Variants in POU3F3 observed in about 807,000 individuals in gnomAD.
The protein encoded by POU3F3 is POU class 3 homeobox 3, also known as POU domain, class 3, transcription factor 3.
In POU3F3, 1 loss-of-function variant was observed where a neutral mutation model predicts 8.6. The ratio of observed to expected loss-of-function variants is 0.12; its 90% CI spans 0.04 to 0.55. The LOEUF (loss-of-function observed/expected upper bound fraction) is 0.55, where lower values mean the gene tolerates loss of function less well. POU3F3 is among the 20% of genes least tolerant of loss of function. The pLI is 0.91. For missense variants in POU3F3, 577 were observed against 690.7 expected, an observed-to-expected ratio of 0.84 and a Z score of 1.84; for synonymous variants, 418 against 327.4, an observed-to-expected ratio of 1.28 and a Z score of -2.99.
Position 104,855,905 on chromosome 2 carries a change from G to A in POU3F3, c.395G>A (p.Ser132Asn). 7.6e-6 allele frequency: 8 copies of A among 1,058,680 alleles called. No individual in the cohort carries two copies. The highest frequency in any genetic ancestry group is 5.3e-5 in the African/African-American group (3 of 56,936). 65.6% of individuals were successfully genotyped at this position (1,058,680 alleles called of 1,614,324 possible). A position where few individuals can be genotyped will look rare whatever the true frequency, so the allele number is the denominator to read the frequency against. Residue 132 changes from serine to asparagine, a missense_variant, in exon 1 of 1, where the codon AGC (serine) becomes AAC (asparagine). This residue lies in a region of POU3F3 where 484 missense variants were observed against 422.6 expected (regional missense o/e 1.15). Coordinates refer to ENST00000361360, the MANE Select transcript of POU3F3 (RefSeq NM_006236.3). ...GGCAGCGCCGTGGGCATGGCTGGCA[G>A]CCCCCAGCAGCCACCGCAGCCGCCG... ...WSGSAVGMAG[S>N]PQQPPQPPPP...
chr2:104,868,702 G>A, the POU3F3 span, among the ~76,000 whole-genome samples: 27 of 152,270 alleles, frequency 1.8e-4, no homozygotes, highest in African/African-American at 4.8e-4. Flanking sequence ...TCCAGCTGGC[G>A]GGTCTGGTTT....
In POU3F3 at chr2:104,855,597, T is replaced by C. The variant is rs186512421; in HGVS notation, c.87T>C (p.Ala29=). The part of the protein sequence containing the change: ...GSIVHSDAAG[A]GGGGGGGGGG... The stretch of plus-strand genomic sequence containing the variant: ...TTGTGCACTCGGACGCGGCAGGGGC[T>C]GGCGGCGGCGGGGGTGGCGGCGGCG... The change falls in exon 1 of 1, where the codon GCT becomes GCC. Residue 29 remains alanine, a synonymous_variant. Transcript: ENST00000361360. 0.64 allele frequency: 621,031 copies of C among 963,106 alleles called. 198,956 individuals carry two copies. Among genetic ancestry groups the C allele is most frequent in the East Asian group, 0.91 (7,133 of 7,870 alleles). The allele number at this position is 963,106 out of a possible 1,614,324, so 59.7% of individuals were successfully genotyped here. A position where few individuals can be genotyped will look rare whatever the true frequency, so the allele number is the denominator to read the frequency against.
At chr2:104,863,316 G>C (rs1326647656), downstream of POU3F3, among the ~76,000 whole-genome samples, 1 of 151,876 alleles carries the variant, frequency 6.6e-6, no homozygotes, top group Non-Finnish European at 1.5e-5. Flanking sequence ...GCGAAGGAAA[G>C]GGAAACTTCT....
the POU3F3 span, among the ~76,000 whole-genome samples, chr2:104,901,737 A>C: frequency 2.0e-5 from 3 of 152,244 alleles, no homozygotes; most frequent in Non-Finnish European, 4.4e-5. Context: ...CAGTGGTCAC[A>C]GGCAGAGGGA....
At chr2:104,893,601 G>A in the POU3F3 span, among the ~76,000 whole-genome samples, 1 of 152,242 alleles carries the variant, frequency 6.6e-6, no homozygotes, top group Non-Finnish European at 1.5e-5. Context: ...AAAAGATGCA[G>A]CTGGGCTCAG....
the POU3F3 span, among the ~76,000 whole-genome samples, chr2:104,915,041 G>A: frequency 2.2e-4 from 34 of 152,302 alleles, no homozygotes; most frequent in African/African-American, 7.2e-4. Flanking sequence ...CTGAGGTAGC[G>A]CAGGGTCACT....
chr2:104,875,147 T>C, the POU3F3 span, among the ~76,000 whole-genome samples: 181 of 152,342 alleles, frequency 1.2e-3, 1 homozygote, highest in Non-Finnish European at 2.1e-3. Flanking sequence ...TTCATCCATG[T>C]TGTAGCATGT....
At chr2:104,923,763 A>G in the POU3F3 span, among the ~76,000 whole-genome samples, 2 of 152,224 alleles carry the variant, frequency 1.3e-5, no homozygotes, top group African/African-American at 4.8e-5. Flanking sequence ...TAAGAAATAC[A>G]TTATTCAACT....
the POU3F3 span, among the ~76,000 whole-genome samples, chr2:104,868,771 G>C: frequency 6.6e-6 from 1 of 152,200 alleles, no homozygotes; most frequent in African/African-American, 2.4e-5. Context: ...TACAAACAGT[G>C]CAAATGAGAT....
chr2:104,899,267 C>T, the POU3F3 span, among the ~76,000 whole-genome samples: 10 of 152,222 alleles, frequency 6.6e-5, no homozygotes, highest in African/African-American at 2.4e-4. Context: ...AGAGGAACTC[C>T]GGGGCTGCAG....
the POU3F3 span, among the ~76,000 whole-genome samples, chr2:104,892,357 GT>G: frequency 6.6e-6 from 1 of 152,180 alleles, no homozygotes; most frequent in African/African-American, 2.4e-5. Context: ...GGCAGAATTA[GT>G]GAGAATCTGC....
chr2:104,896,629 T>C, the POU3F3 span, among the ~76,000 whole-genome samples: 12 of 20,990 alleles, frequency 5.7e-4, no homozygotes, highest in Non-Finnish European at 8.3e-5. Flanking sequence ...AGCTGAATCA[T>C]GTGGCTGAGA....
chr2:104,864,576 C>T, the POU3F3 span, among the ~76,000 whole-genome samples: 1 of 152,082 alleles, frequency 6.6e-6, no homozygotes. Flanking sequence ...AAACAGGGAG[C>T]CATTTATTTA....
chr2:104,879,386 C>T, the POU3F3 span, among the ~76,000 whole-genome samples: 41 of 152,008 alleles, frequency 2.7e-4, no homozygotes, highest in Non-Finnish European at 4.1e-4. Context: ...TCTGAGGTAA[C>T]GTGTGGCTGT....
chr2:104,890,996 G>C, the POU3F3 span, among the ~76,000 whole-genome samples: 1 of 152,144 alleles, frequency 6.6e-6, no homozygotes, highest in African/African-American at 2.4e-5. Context: ...AAGCTGCTCT[G>C]GCTACTAGCT....
chr2:104,855,888 C>A lies in POU3F3; in HGVS notation c.378C>A (p.Ala126=). Residue 126 remains alanine (A), a synonymous_variant, in exon 1 of 1, where the codon GCC becomes GCA. Coordinates refer to ENST00000361360, the MANE Select transcript of POU3F3 (RefSeq NM_006236.3). ...VEASSPWSGS[A]VGMAGSPQQP... is the part of the protein sequence containing the mutation. ...CGAGCTCGCCGTGGTCGGGCAGCGC[C>A]GTGGGCATGGCTGGCAGCCCCCAGC... 9.4e-7 allele frequency: 1 copy of A among 1,060,510 alleles called. No individual in the cohort carries two copies. Among genetic ancestry groups the A allele is most frequent in the South Asian group, 3.4e-5 (1 of 29,016 alleles). 65.7% of individuals were successfully genotyped at this position (1,060,510 alleles called of 1,614,324 possible). A position where few individuals can be genotyped will look rare whatever the true frequency, so the allele number is the denominator to read the frequency against.
At chr2:104,859,039 G>A (rs1676625523), downstream of POU3F3, among the ~76,000 whole-genome samples, 1 of 150,912 alleles carries the variant, frequency 6.6e-6, no homozygotes, top group Non-Finnish European at 1.5e-5. Flanking sequence ...GACTATAGTT[G>A]TTAGGAGTCG....
the POU3F3 span, among the ~76,000 whole-genome samples, chr2:104,903,517 T>A: frequency 6.6e-6 from 1 of 152,230 alleles, no homozygotes; most frequent in African/African-American, 2.4e-5. Context: ...TGTGTGCTGT[T>A]CTGTTTCAGC....
chr2:104,874,692 C>G, the POU3F3 span, among the ~76,000 whole-genome samples: 18 of 152,158 alleles, frequency 1.2e-4, no homozygotes, highest in Non-Finnish European at 2.2e-4. Context: ...AGGCTCAAAA[C>G]TGTTAGAGGA....
Sources: gnomAD v4.1 joint callset for allele counts (sites outside exome capture counted in the v4.1 genomes callset) on GRCh38, gnomAD v4.1.1 for gene constraint, gnomAD v4.1.1 regional missense constraint, MANE v1.5 for transcripts, NCBI Gene and HGNC (gene_info 2026-07-23, HGNC 2026-07-21) for gene names.